The following AMT variants were observed in gnomAD, a reference collection of about 807,000 sequenced individuals.
AMT encodes aminomethyltransferase, mitochondrial.
AMT carries 24 observed loss-of-function variants against 39.5 expected under a neutral mutation model. The observed-to-expected ratio is 0.61, with a 90% CI of 0.44 to 0.86. AMT has a LOEUF of 0.86. Ranked by LOEUF, AMT falls within the 40% of genes least tolerant of loss-of-function variation. The probability of loss-of-function intolerance (pLI) is 0.00; values close to 1 mark genes in which losing one functional copy is unlikely to be tolerated. For missense variants in AMT, 501 were observed against 537.0 expected (o/e 0.93, Z 0.66); for synonymous variants, 210 against 212.1 (o/e 0.99, Z 0.09).
Position 49,420,257 on chromosome 3 carries a change from A to C in AMT, c.425T>G (p.Val142Gly), listed in dbSNP as rs753217454. The C allele has an allele frequency of 1.4e-5, 23 of 1,614,066 alleles. No individual in the cohort carries two copies. Among genetic ancestry groups the C allele is most frequent in the Non-Finnish European group, 1.9e-5 (23 of 1,180,032 alleles). Reference sequence around the variant, plus strand: ...CTCCCAGCAGCCAGCGTTGGACACCACATACAGGTGGCCCTCAGAAGTATT... The same window carrying C: ...CTCCCAGCAGCCAGCGTTGGACACCCCATACAGGTGGCCCTCAGAAGTATT... ...VTNTSEGHLYVVSNAGCWEKD... is the reference protein window; with the variant it reads ...VTNTSEGHLYGVSNAGCWEKD... Residue 142 changes from valine to glycine, a missense_variant, in exon 4 of 9, where the codon GTG becomes GGG. Transcript: ENST00000273588.
Position 49,422,317 on chromosome 3 carries a change from C to T in AMT, c.90+44G>A, listed in dbSNP as rs202052678. 1.7e-5 allele frequency: 28 copies of T among 1,613,882 alleles called. No individual in the cohort carries two copies. In the Admixed American group the frequency reaches 2.3e-4, roughly 13 times the overall value. ...TGCCACCAGGGCCCTAGCCCCCAGC[C>T]GCTTCCCTCCCCCACCCTCCAAGAT... On this transcript the variant is annotated intron_variant, in intron 1 of 8. Coordinates refer to ENST00000273588, the MANE Select transcript of AMT (RefSeq NM_000481.4).
At chr3:49,420,466 G>A in intron 3 of AMT, 124 bp from the exon 4 acceptor site, 1 of 1,435,248 alleles carries the variant, frequency 7.0e-7, no homozygotes, top group Non-Finnish European at 9.7e-7. Context: ...AAGGACTCAG[G>A]GTGTGCAAGG....
rs2049023803 is a variant in AMT, at chr3:49,417,764, C to A, written c.1034-46G>T. On this transcript the variant is annotated intron_variant, in intron 8 of 8. Coordinates refer to ENST00000273588, the MANE Select transcript of AMT (RefSeq NM_000481.4). ...ACGCATCAGCACCACCCTGCCAGTG[C>A]CCCCACCCTCCTGGGAAGAGACAAG... is the stretch of plus-strand genomic sequence containing the variant. The A allele has an allele frequency of 3.7e-6, 6 of 1,613,836 alleles. No individual in the cohort carries two copies. In the South Asian group the frequency reaches 5.5e-5, roughly 15 times the overall value.
At position 49,420,351 on chromosome 3, in the gene AMT, A is replaced by G. The variant is rs2107933861; in HGVS notation, c.340-9T>C. 1 of 1,614,124 alleles carries G rather than the reference A, an allele frequency of 6.2e-7. No homozygotes were observed. Among genetic ancestry groups the G allele is most frequent in the Non-Finnish European group, 8.5e-7 (1 of 1,180,002 alleles). ...AACAGCGACAGTGTCCCCTAGGACC[A>G]AAGTGGAGCGTTTTGGCTTCCAGGT... On this transcript the variant is annotated splice_polypyrimidine_tract_variant and intron_variant, in intron 3 of 8. Transcript: ENST00000273588.
rs2049050232 is a variant in AMT, at chr3:49,419,012, T to G, written c.836A>C (p.Glu279Ala). 3 of 1,613,892 alleles carry G rather than the reference T, an allele frequency of 1.9e-6. No individual in the cohort carries two copies. The highest frequency in any genetic ancestry group is 2.5e-6 in the Non-Finnish European group (3 of 1,179,962). The change falls in exon 7 of 9, where the codon GAA becomes GCA. Residue 279 changes from glutamate (E) to alanine (A), a missense_variant. Transcript: ENST00000273588. ...GLCLYGNDID[E>A]HTTPVEGSLS... is the part of the protein sequence containing the mutation. Reference sequence around the variant, plus strand: ...GCTGCCCTCCACAGGTGTAGTGTGTTCATCAATGTCATTCCCATACAGGCA... The same window carrying G: ...GCTGCCCTCCACAGGTGTAGTGTGTGCATCAATGTCATTCCCATACAGGCA...
Position 49,419,159 on chromosome 3 carries a change from A to C in AMT, c.697-8T>G. ...CGCTACCGGCACCGAGATCTGTATG[A>C]AACACCAGAGGGCAGATGGGAAGCT... On this transcript the variant is annotated splice_polypyrimidine_tract_variant and splice_region_variant and intron_variant, in intron 6 of 8. Coordinates refer to ENST00000273588, the MANE Select transcript of AMT (RefSeq NM_000481.4). 1 of 1,613,546 alleles carries C rather than the reference A, an allele frequency of 6.2e-7. No individual in the cohort carries two copies. Among genetic ancestry groups the C allele is most frequent in the Non-Finnish European group, 8.5e-7 (1 of 1,179,854 alleles).
In AMT at chr3:49,417,256, C is replaced by A. The variant is rs1330549218; in HGVS notation, c.*284G>T. 4 of 1,593,934 alleles carry A rather than the reference C, an allele frequency of 2.5e-6. No individual in the cohort carries two copies. The East Asian group carries it at 6.7e-5, about 27-fold the overall frequency. ...TGGCAGAGTGGGAGAGATGGCAGAA[C>A]CAAAGCTTCTCATTACCCTCCAGCA... On this transcript the variant is annotated 3_prime_UTR_variant, in exon 9 of 9. Transcript: ENST00000273588.
intron 4 of AMT, 163 bp downstream of exon 4, chr3:49,420,048 C>T (rs779107755): frequency 5.0e-6 from 5 of 1,001,766 alleles, no homozygotes; most frequent in Non-Finnish European, 6.1e-6. Flanking sequence ...CCACCAAACC[C>T]TGGCGTGCTC....
intron 2 of AMT, chr3:49,421,865 A>G (rs2049108198): frequency 2.8e-6 from 2 of 719,762 alleles, no homozygotes; most frequent in Admixed American, 4.1e-5. Flanking sequence ...TCAGCCCTGG[A>G]AAACCCGGGA....
chr3:49,422,192 A>G lies in AMT; in HGVS notation c.170T>C (p.Leu57Pro), dbSNP rs1439129399. ...GTGACTGTCCCGGTACTGCACTGGC[A>G]GACTCCAACCCGCAAACGCCACCAT... is the stretch of plus-strand genomic sequence containing the variant. ...GKMVAFAGWS[L>P]PVQYRDSHTD... The change falls in exon 2 of 9, where the codon CTG becomes CCG. Residue 57 changes from leucine (L) to proline (P), a missense_variant. Coordinates refer to ENST00000273588, the MANE Select transcript of AMT (RefSeq NM_000481.4). The G allele has an allele frequency of 2.5e-6, 4 of 1,613,994 alleles. No individual in the cohort carries two copies. In the Admixed American group the frequency reaches 6.7e-5, roughly 27 times the overall value.
rs751216739 is a variant in AMT, at chr3:49,417,198, A to C, written c.*342T>G. Reference sequence around the variant, plus strand: ...AGGTTGGGCAGGTTTTATCCTCTCCACAAAGGTGAGCCTTTGCTCCACAGC... The same window carrying C: ...AGGTTGGGCAGGTTTTATCCTCTCCCCAAAGGTGAGCCTTTGCTCCACAGC... On this transcript the variant is annotated 3_prime_UTR_variant, in exon 9 of 9. Transcript: ENST00000273588. The C allele has an allele frequency of 3.5e-6, 5 of 1,434,222 alleles. No individual in the cohort carries two copies. The African/African-American group carries it at 5.6e-5, about 16-fold the overall frequency. The allele number at this position is 1,434,222 out of a possible 1,614,324, so 88.8% of individuals were successfully genotyped here. A position where few individuals can be genotyped will look rare whatever the true frequency, so the allele number is the denominator to read the frequency against.
In AMT at chr3:49,417,829, C is replaced by G; in HGVS notation, c.1022G>C (p.Gly341Ala). Residue 341 changes from glycine (G) to alanine (A), a missense_variant, in exon 8 of 9, where the codon GGT becomes GCT. Physicochemically the swap from Gly to Ala is moderately conservative, Grantham distance 60. Transcript: ENST00000273588. ...RAHSPILNME[G>A]TKIGTVTSGC... ...CCTGGTCCACCTACCAATCTTGGTA[C>G]CCTCCATGTTCAGGATGGGACTGTG... 6.2e-7 allele frequency: 1 copy of G among 1,614,122 alleles called. No individual in the cohort carries two copies.
In AMT at chr3:49,420,959, C is replaced by T. The variant is rs569036926; in HGVS notation, c.339+533G>A. 26 of 204,402 alleles carry T rather than the reference C, an allele frequency of 1.3e-4. 1 individual carries two copies. The Middle Eastern group carries it at 8.9e-3, about 70-fold the overall frequency. 12.7% of individuals were successfully genotyped at this position (204,402 alleles called of 1,614,324 possible). A position where few individuals can be genotyped will look rare whatever the true frequency, so the allele number is the denominator to read the frequency against. ...TGTTGTTGTTATTTTTCTTTTTAGA[C>T]TGAGTCTCACTCTGTTGCCCAGGCC... On this transcript the variant is annotated intron_variant, in intron 3 of 8. Coordinates refer to ENST00000273588, the MANE Select transcript of AMT (RefSeq NM_000481.4).
In AMT at chr3:49,418,171, C is replaced by T. The variant is rs1406260200; in HGVS notation, c.878-198G>A. 7 of 635,242 alleles carry T rather than the reference C, an allele frequency of 1.1e-5. No homozygotes were observed. In the East Asian group the frequency reaches 1.4e-4, roughly 13 times the overall value. The allele number at this position is 635,242 out of a possible 1,614,324, so 39.4% of individuals were successfully genotyped here. A position where few individuals can be genotyped will look rare whatever the true frequency, so the allele number is the denominator to read the frequency against. ...CCTGGAGGCCATGCTGCCCACCTGC[C>T]GAGCGTCTTCAGTTTCTTTTTTTTT... On this transcript the variant is annotated intron_variant, in intron 7 of 8. Coordinates refer to ENST00000273588, the MANE Select transcript of AMT (RefSeq NM_000481.4).
At chr3:49,421,052 G>C in intron 3 of AMT, 1 of 269,390 alleles carries the variant, frequency 3.7e-6, no homozygotes, top group East Asian at 9.5e-5. Context: ...CTACAAGCAC[G>C]CGCCACCACG....
chr3:49,419,907 A>C (rs369076196), intron 4 of AMT, 119 bp from the exon 5 acceptor site: 1 of 1,028,368 alleles, frequency 9.7e-7, no homozygotes. Flanking sequence ...GGGAGGAAAA[A>C]AAAAGGTAGT....
intron 4 of AMT, 52 bp from the exon 5 acceptor site, chr3:49,419,840 A>G: frequency 1.3e-6 from 2 of 1,540,070 alleles, no homozygotes; most frequent in Non-Finnish European, 9.0e-7. Flanking sequence ...AGCAGCTACC[A>G]TGGGCTGGAC....
chr3:49,416,888 C>T lies in AMT; in HGVS notation c.*652G>A, dbSNP rs1461641633. On this transcript the variant is annotated 3_prime_UTR_variant, in exon 9 of 9. Coordinates refer to ENST00000273588, the MANE Select transcript of AMT (RefSeq NM_000481.4). ...TAAGGCAAGTCTGGGAGGAAGCCCA[C>T]CCTGCCCTACAGCAGCCCTGGAACT... The T allele has an allele frequency of 2.2e-6, 1 of 457,990 alleles. No individual in the cohort carries two copies. The allele number at this position is 457,990 out of a possible 1,614,324, so 28.4% of individuals were successfully genotyped here.
intron 3 of AMT, 131 bp from the exon 4 acceptor site, chr3:49,420,473 A>G (rs995389913): frequency 1.4e-6 from 2 of 1,396,366 alleles, no homozygotes; most frequent in Admixed American, 1.8e-5. Context: ...CAGGGTGTGC[A>G]AGGTACAAGT....
Sources: gnomAD v4.1 joint callset for allele counts on GRCh38, gnomAD v4.1.1 for gene constraint, MANE v1.5 for transcripts, NCBI Gene and HGNC (gene_info 2026-07-23, HGNC 2026-07-21) for gene names.